CPLX1: variants seen among roughly 807,000 people sequenced by gnomAD.
The protein encoded by CPLX1 is complexin-1.
Under a neutral mutation model 15.6 loss-of-function variants are expected in CPLX1, and 6 were observed. The observed-to-expected ratio is 0.39, with a 90% CI of 0.21 to 0.76. CPLX1 has a LOEUF of 0.76. Among genes scored for constraint, CPLX1 ranks in the 30% least tolerant of loss-of-function variants. CPLX1 has a pLI of 0.43. For missense variants in CPLX1, 242 were observed against 188.6 expected (o/e 1.28, Z -1.66); for synonymous variants, 91 against 75.2 (o/e 1.21, Z -1.08).
At position 785,500 on chromosome 4, in the gene CPLX1, C is replaced by G. The variant is rs1180293228; in HGVS notation, c.*1001G>C. 6.6e-6 allele frequency: 1 copy of G among 152,560 alleles called. No homozygotes were observed. The highest frequency in any genetic ancestry group is 1.5e-5 in the Non-Finnish European group (1 of 68,044). 9.5% of individuals were successfully genotyped at this position (152,560 alleles called of 1,614,324 possible). A position where few individuals can be genotyped will look rare whatever the true frequency, so the allele number is the denominator to read the frequency against. On this transcript the variant is annotated 3_prime_UTR_variant, in exon 4 of 4. Transcript: ENST00000304062. Reference sequence around the variant, plus strand: ...CATTAAATGCAAAGACCTCATTTACCTGAGATTCAACAAATTGTGATGCAA... The same window carrying G: ...CATTAAATGCAAAGACCTCATTTACGTGAGATTCAACAAATTGTGATGCAA...
chr4:794,728 G>C (rs1391387839), intron 2 of CPLX1, among the ~76,000 whole-genome samples: 1 of 152,194 alleles, frequency 6.6e-6, no homozygotes, highest in African/African-American at 2.4e-5. Context: ...GAAAGGACTG[G>C]CGTCTATAAG....
intron 3 of CPLX1, among the ~76,000 whole-genome samples, chr4:789,818 T>A (rs1746113105): frequency 6.6e-6 from 1 of 152,168 alleles, no homozygotes; most frequent in Non-Finnish European, 1.5e-5. Context: ...GCGTCTCTTC[T>A]CTAACCAACC....
At chr4:796,425 A>C (rs560204021) in intron 2 of CPLX1, among the ~76,000 whole-genome samples, 1 of 152,238 alleles carries the variant, frequency 6.6e-6, no homozygotes, top group East Asian at 1.9e-4. Context: ...ACCTGGGACT[A>C]CAGGCACGCG....
At chr4:811,271 C>T (rs1317943790) in intron 2 of CPLX1, among the ~76,000 whole-genome samples, 1 of 152,166 alleles carries the variant, frequency 6.6e-6, no homozygotes, top group Non-Finnish European at 1.5e-5. Context: ...GGCCTCCAAT[C>T]AGCTAGTGCT....
intron 2 of CPLX1, among the ~76,000 whole-genome samples, chr4:797,658 G>A (rs1746369209): frequency 6.6e-6 from 1 of 151,466 alleles, no homozygotes; most frequent in Non-Finnish European, 1.5e-5. Context: ...TGTAGGCCGG[G>A]CGCGGTGGCT....
At chr4:804,834 G>C (rs1746524046) in intron 2 of CPLX1, 1 of 984,618 alleles carries the variant, frequency 1.0e-6, no homozygotes, top group African/African-American at 1.7e-5. Flanking sequence ...GGCAAGCGTG[G>C]GGAGCGACGT....
intron 1 of CPLX1, among the ~76,000 whole-genome samples, chr4:825,648 A>G (rs1335189464): frequency 6.6e-6 from 1 of 151,592 alleles, no homozygotes; most frequent in East Asian, 2.0e-4. Context: ...CGAGACAGGA[A>G]GAAGCGAGGA....
chr4:803,998 C>G (rs1248516136), intron 2 of CPLX1, among the ~76,000 whole-genome samples: 1 of 152,250 alleles, frequency 6.6e-6, no homozygotes, highest in Non-Finnish European at 1.5e-5. Context: ...TGCTTAGGTG[C>G]ACAGCCTCAC....
At chr4:820,046 C>T (rs1334175461) in intron 2 of CPLX1, among the ~76,000 whole-genome samples, 1 of 152,242 alleles carries the variant, frequency 6.6e-6, no homozygotes, top group Non-Finnish European at 1.5e-5. Context: ...ATGTGGAATT[C>T]AAGAGCTTCA....
intron 2 of CPLX1, chr4:804,981 G>T (rs753247378): frequency 2.1e-6 from 2 of 975,160 alleles, no homozygotes; most frequent in African/African-American, 3.5e-5. Flanking sequence ...GGCCGGCTAG[G>T]GCGGGTGCTC....
At chr4:810,201 A>T (rs929740939) in intron 2 of CPLX1, among the ~76,000 whole-genome samples, 1 of 151,350 alleles carries the variant, frequency 6.6e-6, no homozygotes, top group East Asian at 1.9e-4. Context: ...AGGCGCCTGC[A>T]ACCACGCCCG....
intron 3 of CPLX1, among the ~76,000 whole-genome samples, chr4:792,149 G>A (rs1223312896): frequency 6.6e-6 from 1 of 152,194 alleles, no homozygotes; most frequent in African/African-American, 2.4e-5. Flanking sequence ...AGGGCCCCAG[G>A]CAGCCAGCCA....
chr4:804,873 C>G (rs965443655), intron 2 of CPLX1: 4 of 985,128 alleles, frequency 4.1e-6, no homozygotes, highest in Non-Finnish European at 4.8e-6. Context: ...AGGTGGGCGG[C>G]GGCAGCCATT....
intron 3 of CPLX1, among the ~76,000 whole-genome samples, chr4:789,350 C>T (rs1000809345): frequency 3.3e-5 from 5 of 152,222 alleles, no homozygotes; most frequent in East Asian, 1.9e-4. Flanking sequence ...GGCCCTGACA[C>T]GTCTGAGGTG....
At chr4:803,481 C>T (rs1348058481) in intron 2 of CPLX1, among the ~76,000 whole-genome samples, 1 of 152,162 alleles carries the variant, frequency 6.6e-6, no homozygotes, top group Non-Finnish European at 1.5e-5. Flanking sequence ...AGCTCCGCCT[C>T]CCAGGTTCAC....
intron 1 of CPLX1, 121 bp from the exon 2 acceptor site, chr4:824,722 C>T (rs554887214): frequency 6.5e-5 from 46 of 708,808 alleles, no homozygotes; most frequent in Non-Finnish European, 9.7e-5. Context: ...CCTGGAGCGG[C>T]TGCCTGGGAA....
At chr4:806,444 C>T (rs1258038715) in intron 2 of CPLX1, among the ~76,000 whole-genome samples, 9 of 152,180 alleles carry the variant, frequency 5.9e-5, no homozygotes, top group African/African-American at 1.9e-4. Flanking sequence ...AGTATAAAAA[C>T]CCTAGAAGAA....
intron 2 of CPLX1, among the ~76,000 whole-genome samples, chr4:810,112 T>G (rs573292969): frequency 3.4e-5 from 5 of 148,670 alleles, no homozygotes; most frequent in Admixed American, 1.4e-4. Context: ...TGCAGTGGCA[T>G]GATCTCAGCT....
intron 3 of CPLX1, chr4:787,295 C>A (rs899498415): frequency 1.0e-6 from 1 of 985,260 alleles, no homozygotes; most frequent in African/African-American, 1.7e-5. Flanking sequence ...CCCGCCTAGT[C>A]GTGCCCTCAG....
Sources: gnomAD v4.1 joint callset for allele counts (sites outside exome capture counted in the v4.1 genomes callset) on GRCh38, gnomAD v4.1.1 for gene constraint, MANE v1.5 for transcripts, NCBI Gene and HGNC (gene_info 2026-07-23, HGNC 2026-07-21) for gene names.